Variants in IGLL5 observed in about 807,000 individuals in gnomAD.
The protein encoded by IGLL5 is immunoglobulin lambda-like polypeptide 5.
A neutral mutation model predicts 20.9 loss-of-function variants in IGLL5; 30 were observed. That is an observed-to-expected ratio of 1.44 (90% CI 1.07 to 1.95). The LOEUF (loss-of-function observed/expected upper bound fraction) is 1.95. Among genes scored for constraint, IGLL5 ranks in the 30% most tolerant of loss-of-function variants. The pLI is 0.00. For synonymous variants in IGLL5, 203 were observed against 117.3 expected (o/e 1.73, Z -4.72); for missense variants, 475 against 270.7 (o/e 1.75, Z -5.30).
chr22:22,888,524 A>T (rs976218362), intron 1 of IGLL5, among the ~76,000 whole-genome samples: 5 of 151,412 alleles, frequency 3.3e-5, no homozygotes, highest in East Asian at 2.0e-4. Context: ...TCAGTGCCTC[A>T]ATCACCTAGT....
intron 2 of IGLL5, among the ~76,000 whole-genome samples, chr22:22,894,199 G>GGT (rs2067997431): frequency 6.6e-6 from 1 of 151,122 alleles, no homozygotes; most frequent in Admixed American, 6.7e-5. Flanking sequence ...GGGCCTGGGA[G>GGT]CTGCTGAGTC....
intron 2 of IGLL5, among the ~76,000 whole-genome samples, chr22:22,894,943 G>A (rs1601629514): frequency 1.3e-5 from 2 of 151,502 alleles, no homozygotes; most frequent in Admixed American, 6.6e-5. Context: ...CAGTCCTACA[G>A]GATGAGCAGG....
At chr22:22,889,434 T>C (rs73880717) in intron 1 of IGLL5, among the ~76,000 whole-genome samples, 1 of 151,160 alleles carries the variant, frequency 6.6e-6, no homozygotes. Flanking sequence ...TTCTAGGAAT[T>C]TATCCTAAGG....
chr22:22,889,455 G>A (rs920249968), intron 1 of IGLL5, among the ~76,000 whole-genome samples: 25 of 151,148 alleles, frequency 1.7e-4, no homozygotes, highest in South Asian at 2.1e-4. Flanking sequence ...GTTGGTTGGG[G>A]GAATAATCAA....
chr22:22,892,537 G>A (rs560435792), intron 1 of IGLL5, among the ~76,000 whole-genome samples: 12 of 151,090 alleles, frequency 7.9e-5, no homozygotes, highest in East Asian at 2.0e-4. Flanking sequence ...GGCATTCTGC[G>A]ATGTCCCCAG....
At chr22:22,892,059 G>A (rs2067864963) in intron 1 of IGLL5, among the ~76,000 whole-genome samples, 1 of 151,200 alleles carries the variant, frequency 6.6e-6, no homozygotes, top group Admixed American at 6.6e-5. Flanking sequence ...TAATAAAAGT[G>A]AGACTAGACA....
intron 2 of IGLL5, among the ~76,000 whole-genome samples, chr22:22,894,215 G>C (rs546872501): frequency 1.3e-5 from 2 of 151,324 alleles, no homozygotes; most frequent in Admixed American, 6.6e-5. Flanking sequence ...GAGTCTCATA[G>C]TCTAGGGGAG....
intron 1 of IGLL5, among the ~76,000 whole-genome samples, chr22:22,889,082 G>C (rs189648536): frequency 2.0e-5 from 3 of 151,326 alleles, no homozygotes; most frequent in East Asian, 2.0e-4. Context: ...TAGGTAGATT[G>C]ATTATCAGAG....
intron 2 of IGLL5, 127 bp from the exon 3 acceptor site, chr22:22,895,248 G>T (rs1369876158): frequency 9.5e-6 from 8 of 841,726 alleles, no homozygotes; most frequent in Non-Finnish European, 1.3e-5. Flanking sequence ...GAAAGAAGAG[G>T]AGAGAACCCC....
At chr22:22,888,831 C>G (rs963684603) in intron 1 of IGLL5, among the ~76,000 whole-genome samples, 7 of 151,272 alleles carry the variant, frequency 4.6e-5, no homozygotes, top group Non-Finnish European at 8.8e-5. Context: ...TGGAACAGGC[C>G]CACGGCCCAT....
Position 22,895,789 on chromosome 22 carries a change from C to A in IGLL5, c.*95C>A. ...ATCCCAAGTCATCCAGCCCTTCTCCCTGCACTCATGAAACCCCAATAAATA... is the reference window on the plus strand; with the variant it reads ...ATCCCAAGTCATCCAGCCCTTCTCCATGCACTCATGAAACCCCAATAAATA... On this transcript the variant is annotated 3_prime_UTR_variant, in exon 3 of 3. Coordinates refer to ENST00000526893, the MANE Select transcript of IGLL5 (RefSeq NM_001178126.2). The A allele has an allele frequency of 1.7e-6, 2 of 1,152,492 alleles. No homozygotes were observed. The highest frequency in any genetic ancestry group is 2.6e-6 in the Non-Finnish European group (2 of 765,562). 71.4% of individuals were successfully genotyped at this position (1,152,492 alleles called of 1,614,324 possible). A position where few individuals can be genotyped will look rare whatever the true frequency, so the allele number is the denominator to read the frequency against.
Position 22,888,951 on chromosome 22 carries a change from C to T in IGLL5, c.206+692C>T, listed in dbSNP as rs142287123. ...TGGGTGCCCCCAAAAGACAGAGCAGCGTCAGAGGAGAGGAGAGCACAGGAT... is the reference window on the plus strand; with the variant it reads ...TGGGTGCCCCCAAAAGACAGAGCAGTGTCAGAGGAGAGGAGAGCACAGGAT... On this transcript the variant is annotated intron_variant, in intron 1 of 2. Transcript: ENST00000526893. Among the ~76,000 whole-genome samples the T allele has an allele frequency of 2.3e-4, 35 of 151,196 alleles. 1 individual carries two copies. The highest frequency in any genetic ancestry group is 8.4e-4 in the South Asian group (4 of 4,742).
At chr22:22,888,789 G>C (rs185371435) in intron 1 of IGLL5, among the ~76,000 whole-genome samples, 1 of 151,438 alleles carries the variant, frequency 6.6e-6, no homozygotes, top group Admixed American at 6.6e-5. Context: ...CACAGGGAGG[G>C]TGGGATGAAC....
At chr22:22,893,950 G>T (rs149038814) in intron 2 of IGLL5, 132 bp downstream of exon 2, 3 of 724,868 alleles carry the variant, frequency 4.1e-6, no homozygotes, top group Admixed American at 2.1e-5. Context: ...TCTCCATGGG[G>T]CCTGGAGGAG....
In IGLL5 at chr22:22,888,751, A is replaced by C. The variant is rs138918935; in HGVS notation, c.206+492A>C. On this transcript the variant is annotated intron_variant, in intron 1 of 2. Transcript: ENST00000526893. ...GCTGTCTGTTCACCAACTTGCACAT[A>C]AATGCTTACTGGGGCCAGGCTCAAG... 4.0e-5 allele frequency among the ~76,000 whole-genome samples: 6 copies of C among 151,254 alleles called. 1 individual carries two copies. The highest frequency in any genetic ancestry group is 2.0e-4 in the East Asian group (1 of 4,910).
At chr22:22,888,896 T>C (rs554110940) in intron 1 of IGLL5, among the ~76,000 whole-genome samples, 7 of 151,276 alleles carry the variant, frequency 4.6e-5, no homozygotes, top group Middle Eastern at 3.7e-3. Flanking sequence ...CCCAGGCTGG[T>C]CTCACAGATC....
intron 2 of IGLL5, among the ~76,000 whole-genome samples, chr22:22,894,990 A>C (rs771640450): frequency 6.6e-6 from 1 of 151,434 alleles, no homozygotes; most frequent in African/African-American, 2.4e-5. Context: ...TAGGTCCTGG[A>C]AGAATAAAGT....
intron 1 of IGLL5, 144 bp from the exon 2 acceptor site, chr22:22,893,556 T>C: frequency 1.7e-6 from 1 of 582,988 alleles, no homozygotes; most frequent in Non-Finnish European, 3.1e-6. Context: ...AGACACACAC[T>C]GGGGTAACTC....
At position 22,888,008 on chromosome 22, in the gene IGLL5, C is replaced by A. The variant is rs536351655; in HGVS notation, c.-46C>A. On this transcript the variant is annotated 5_prime_UTR_variant, in exon 1 of 3. Coordinates refer to ENST00000526893, the MANE Select transcript of IGLL5 (RefSeq NM_001178126.2). ...GACCAGGGCACCGTCCTCCAGGGAG[C>A]CCATGCTGCAAGTCGGGCCAGAGGT... is the stretch of plus-strand genomic sequence containing the variant. 1 of 1,465,522 alleles carries A rather than the reference C, an allele frequency of 6.8e-7. No homozygotes were observed. The highest frequency in any genetic ancestry group is 9.3e-7 in the Non-Finnish European group (1 of 1,070,394). 90.8% of individuals were successfully genotyped at this position (1,465,522 alleles called of 1,614,324 possible). A position where few individuals can be genotyped will look rare whatever the true frequency, so the allele number is the denominator to read the frequency against.
Sources: gnomAD v4.1 joint callset for allele counts (sites outside exome capture counted in the v4.1 genomes callset) on GRCh38, gnomAD v4.1.1 for gene constraint, MANE v1.5 for transcripts, NCBI Gene and HGNC (gene_info 2026-07-23, HGNC 2026-07-21) for gene names.